The following CDC25C variants were observed in gnomAD, a reference collection of about 807,000 sequenced individuals.
CDC25C encodes cell division cycle 25C, also known as M-phase inducer phosphatase 3.
Under a neutral mutation model 52.5 loss-of-function variants are expected in CDC25C, and 48 were observed. The observed-to-expected ratio is 0.91, with a 90% confidence interval of 0.72 to 1.16. CDC25C has a LOEUF of 1.16. Among genes scored for constraint, CDC25C ranks in the 50% most tolerant of loss-of-function variants. CDC25C has a pLI of 0.00. For missense variants in CDC25C, 510 were observed against 566.1 expected, an observed-to-expected ratio of 0.90 and a Z score of 1.01; for synonymous variants, 187 against 206.5, an observed-to-expected ratio of 0.91 and a Z score of 0.81.
Position 138,321,750 on chromosome 5 carries a change from C to CAA in CDC25C, c.460-2378_460-2377dup, listed in dbSNP as rs531353746. Among the ~76,000 whole-genome samples, 334 of 47,226 alleles carry CAA rather than the reference C, an allele frequency of 7.1e-3. 23 individuals carry two copies. Among genetic ancestry groups the CAA allele is most frequent in the African/African-American group, 0.019 (143 of 7,666 alleles). The allele number at this position is 47,226 out of a possible 152,430, so 31.0% of individuals were successfully genotyped here. On this transcript the variant is annotated intron_variant, in intron 6 of 13. Transcript: ENST00000323760. ...CTGGTGACAGAGCAAGACTCTGTCTCAAAAAAAAAAAAAAAAAAAAAAAAA... is the reference window on the plus strand; with the variant it reads ...CTGGTGACAGAGCAAGACTCTGTCTCAAAAAAAAAAAAAAAAAAAAAAAAAAA...
At chr5:138,330,741 T>A (rs953851555) in intron 2 of CDC25C, among the ~76,000 whole-genome samples, 6 of 152,290 alleles carry the variant, frequency 3.9e-5, no homozygotes, top group African/African-American at 1.4e-4. Context: ...ACTCCTAGAC[T>A]CAGGCGATCC....
intron 1 of CDC25C, among the ~76,000 whole-genome samples, 182 bp from the exon 2 acceptor site, chr5:138,331,400 G>C (rs1299875390): frequency 6.6e-6 from 1 of 152,230 alleles, no homozygotes; most frequent in Non-Finnish European, 1.5e-5. Context: ...GGACCTTAAA[G>C]ATGGAATGAA....
chr5:138,301,759 A>G (rs1198836392), intron 7 of CDC25C, among the ~76,000 whole-genome samples: 1 of 143,970 alleles, frequency 6.9e-6, no homozygotes, highest in Non-Finnish European at 1.5e-5. Flanking sequence ...GCTGGAGTGC[A>G]GTGGTGCTAT....
At chr5:138,298,840 C>A (rs929941162) in intron 7 of CDC25C, among the ~76,000 whole-genome samples, 5 of 151,928 alleles carry the variant, frequency 3.3e-5, no homozygotes, top group African/African-American at 1.2e-4. Context: ...TCTCTGACCA[C>A]AATGGAATAA....
intron 4 of CDC25C, 75 bp from the exon 5 acceptor site, chr5:138,326,129 C>A (rs567226969): frequency 2.0e-6 from 3 of 1,486,108 alleles, no homozygotes; most frequent in African/African-American, 2.8e-5. Flanking sequence ...ATTGGTGCAT[C>A]CCAACATTTT....
intron 6 of CDC25C, among the ~76,000 whole-genome samples, chr5:138,325,147 A>G (rs1759750615): frequency 6.6e-6 from 1 of 152,238 alleles, no homozygotes; most frequent in Non-Finnish European, 1.5e-5. Flanking sequence ...TGATAAGAAC[A>G]GCCGAAAACA....
intron 6 of CDC25C, among the ~76,000 whole-genome samples, chr5:138,325,293 C>T (rs7715815): frequency 0.45 from 67,817 of 151,908 alleles, 16,647 homozygotes; most frequent in South Asian, 0.68. Flanking sequence ...AGATACAGAA[C>T]TATCTTAGTG....
upstream of CDC25C, chr5:138,335,285 C>G (rs1760628306): frequency 6.6e-6 from 1 of 152,272 alleles, no homozygotes; most frequent in Non-Finnish European, 1.5e-5. Context: ...GTAGGCTTAG[C>G]CCTACTTCTC....
chr5:138,310,963 G>T (rs1446711577), intron 7 of CDC25C, among the ~76,000 whole-genome samples: 1 of 152,232 alleles, frequency 6.6e-6, no homozygotes, highest in Non-Finnish European at 1.5e-5. Flanking sequence ...AGTAAACAGT[G>T]TGGCACTGGC....
rs1273395308 is a variant in CDC25C, at chr5:138,285,748, C to T, written c.1366G>A (p.Gly456Arg). Residue 456 changes from glycine (G) to arginine (R), a missense_variant, in exon 14 of 14, where the codon GGG (glycine) becomes AGG (arginine). Gly to Arg is a moderately radical substitution (Grantham distance 125, BLOSUM62 -2). Coordinates refer to ENST00000323760, the MANE Select transcript of CDC25C (RefSeq NM_001790.5). ...ATCTGCTCCCGCAGCTGCCGCTCCC[C>T]TTCCTGCACTTTGCTCTGGCTTCGA... The part of the protein sequence containing the change: ...RCRSQSKVQE[G>R]ERQLREQIAL... 1.9e-6 allele frequency: 3 copies of T among 1,614,106 alleles called. No individual in the cohort carries two copies. In the Admixed American group the frequency reaches 5.0e-5, roughly 27 times the overall value.
intron 5 of CDC25C, 49 bp from the exon 6 acceptor site, chr5:138,325,953 T>G: frequency 6.2e-7 from 1 of 1,611,182 alleles, no homozygotes; most frequent in Non-Finnish European, 8.5e-7. Context: ...AAGCCACAGG[T>G]GCAATGGAAA....
chr5:138,331,252 A>G (rs1760361301), intron 1 of CDC25C, 34 bp from the exon 2 acceptor site: 1 of 1,408,630 alleles, frequency 7.1e-7, no homozygotes, highest in African/African-American at 1.4e-5. Flanking sequence ...TCGGTACATC[A>G]CAGTTCCCTC....
chr5:138,331,864 C>T (rs1463736609), upstream of CDC25C: 11 of 985,696 alleles, frequency 1.1e-5, no homozygotes, highest in African/African-American at 3.5e-5. Context: ...CCTATCCCCG[C>T]TCGCCTCTAA....
intron 7 of CDC25C, among the ~76,000 whole-genome samples, chr5:138,304,663 A>G (rs188657353): frequency 8.2e-4 from 125 of 151,982 alleles, no homozygotes; most frequent in African/African-American, 2.8e-3. Flanking sequence ...GCACTACCAC[A>G]TGCAACTAAC....
At chr5:138,332,854 A>G (rs555698020), upstream of CDC25C, among the ~76,000 whole-genome samples, 3 of 152,300 alleles carry the variant, frequency 2.0e-5, no homozygotes, top group East Asian at 5.8e-4. Flanking sequence ...ACAAAAAGAC[A>G]TTCCTAATGT....
At chr5:138,326,930 C>G (rs1460677514) in intron 4 of CDC25C, among the ~76,000 whole-genome samples, 31 of 89,504 alleles carry the variant, frequency 3.5e-4, no homozygotes, top group African/African-American at 1.5e-3. Context: ...TAAGCCTAGG[C>G]AACAAGAGCA....
intron 7 of CDC25C, among the ~76,000 whole-genome samples, chr5:138,299,387 T>C (rs950601332): frequency 1.4e-5 from 2 of 147,292 alleles, no homozygotes; most frequent in African/African-American, 5.0e-5. Flanking sequence ...TCTCAACTAC[T>C]TGGGAGGCTG....
In CDC25C at chr5:138,291,987, G is replaced by A. The variant is rs1418989022; in HGVS notation, c.745C>T (p.Gln249Ter). The A allele has an allele frequency of 6.2e-7, 1 of 1,607,590 alleles. No individual in the cohort carries two copies. Among genetic ancestry groups the A allele is most frequent in the Non-Finnish European group, 8.5e-7 (1 of 1,176,712 alleles). The change falls in exon 8 of 14, where the codon CAA becomes TAA. Residue 249 changes from glutamine (Q) to a stop codon, truncating the protein, a stop_gained. Transcript: ENST00000323760. LOFTEE classifies it high-confidence loss of function. Reference sequence around the variant, plus strand: ...GTTCTTACCTTCCTGAGCTTTCCTTGGCCAGAAAAATACTTTTTTTTAACT... The same window carrying A: ...GTTCTTACCTTCCTGAGCTTTCCTTAGCCAGAAAAATACTTTTTTTTAACT... ...DKVKKKYFSG[Q>*]GKLRKGLCLK...
At chr5:138,289,788 A>T (rs1309638025) in intron 9 of CDC25C, among the ~76,000 whole-genome samples, 1 of 151,892 alleles carries the variant, frequency 6.6e-6, no homozygotes, top group Non-Finnish European at 1.5e-5. Flanking sequence ...CTACAAATAT[A>T]TTCATCTTGG....
Sources: allele counts gnomAD v4.1 joint callset (sites outside exome capture counted in the v4.1 genomes callset), GRCh38; gene constraint gnomAD v4.1.1; transcripts MANE v1.5; gene names NCBI Gene and HGNC (gene_info 2026-07-23, HGNC 2026-07-21).